Variants in FAXC observed in about 807,000 individuals in gnomAD.
FAXC encodes the protein failed axon connections homolog, metaxin like GST domain containing.
Under a neutral mutation model 41.9 loss-of-function variants are expected in FAXC, and 10 were observed. The observed-to-expected ratio is 0.24, with a 90% CI of 0.15 to 0.41. The LOEUF is 0.41. Ranked by LOEUF, FAXC falls within the 10% of genes least tolerant of loss-of-function variation. The probability of loss-of-function intolerance (pLI) is 1.00; values close to 1 mark genes in which losing one functional copy is unlikely to be tolerated. For synonymous variants in FAXC, 183 were observed against 183.8 expected, an observed-to-expected ratio of 1.00 and a Z score of 0.03; for missense variants, 399 against 510.9, an observed-to-expected ratio of 0.78 and a Z score of 2.11.
chr6:99,281,160 G>A lies in FAXC; in HGVS notation c.*4C>T, dbSNP rs764767156. The stretch of plus-strand genomic sequence containing the variant: ...CCAAGGAAGAGGGTCAGTGAGGCTG[G>A]ACGTCACTTGCACTGTTCGTGGTCT... On this transcript the variant is annotated 3_prime_UTR_variant, in exon 6 of 6. Transcript: ENST00000389677. 1 of 1,291,444 alleles carries A rather than the reference G, an allele frequency of 7.7e-7. No homozygotes were observed. Among genetic ancestry groups the A allele is most frequent in the East Asian group, 2.3e-5 (1 of 43,306 alleles). The allele number at this position is 1,291,444 out of a possible 1,614,324, so 80.0% of individuals were successfully genotyped here.
intron 4 of FAXC, among the ~76,000 whole-genome samples, chr6:99,298,847 A>G (rs1448944317): frequency 6.6e-6 from 1 of 152,148 alleles, no homozygotes; most frequent in Admixed American, 6.5e-5. Context: ...AAAACAAGTA[A>G]TGTGGACAGA....
At position 99,308,895 on chromosome 6, in the gene FAXC, A is replaced by T. The variant is rs1772044074; in HGVS notation, c.823+14549T>A. On this transcript the variant is annotated intron_variant, in intron 4 of 5. Coordinates refer to ENST00000389677, the MANE Select transcript of FAXC (RefSeq NM_032511.4). ...TTCCAATTTTTTAAAATTTTCGTTT[A>T]TTATATAAGTTGAATCATTTAAATA... is the stretch of plus-strand genomic sequence containing the variant. 3.9e-5 allele frequency among the ~76,000 whole-genome samples: 6 copies of T among 152,338 alleles called. No homozygotes were observed. The South Asian group carries it at 1.2e-3, about 32-fold the overall frequency.
intron 2 of FAXC, among the ~76,000 whole-genome samples, chr6:99,340,611 T>C (rs1208393719): frequency 1.3e-5 from 2 of 149,248 alleles, no homozygotes; most frequent in Non-Finnish European, 3.0e-5. Context: ...AATAACATAC[T>C]AAAGTTTGTT....
At position 99,280,555 on chromosome 6, in the gene FAXC, G is replaced by C. The variant is rs1770788301; in HGVS notation, c.*609C>G. 1 of 152,808 alleles carries C rather than the reference G, an allele frequency of 6.5e-6. No individual in the cohort carries two copies. The highest frequency in any genetic ancestry group is 1.5e-5 in the Non-Finnish European group (1 of 68,498). 9.5% of individuals were successfully genotyped at this position (152,808 alleles called of 1,614,324 possible). A position where few individuals can be genotyped will look rare whatever the true frequency, so the allele number is the denominator to read the frequency against. ...GGTGGGAGAAATGAGGCACCCAATA[G>C]TTAATAAGAGATTTGCTCAAAATCA... On this transcript the variant is annotated 3_prime_UTR_variant, in exon 6 of 6. Transcript: ENST00000389677.
chr6:99,285,629 C>T (rs1402119434), intron 5 of FAXC, among the ~76,000 whole-genome samples: 2 of 152,146 alleles, frequency 1.3e-5, no homozygotes, highest in Non-Finnish European at 2.9e-5. Flanking sequence ...TGTAATTCAA[C>T]TTACTGTAAC....
chr6:99,326,033 G>A (rs181891952), intron 3 of FAXC, among the ~76,000 whole-genome samples: 36 of 152,368 alleles, frequency 2.4e-4, no homozygotes, highest in East Asian at 1.2e-3. Flanking sequence ...TAAGGGGCAC[G>A]TGGGTACAGG....
chr6:99,306,329 G>A (rs980244653), intron 4 of FAXC, among the ~76,000 whole-genome samples: 2 of 152,186 alleles, frequency 1.3e-5, no homozygotes, highest in African/African-American at 4.8e-5. Context: ...TGGAAATGAC[G>A]CAGAAGGAGC....
At chr6:99,295,585 G>C (rs939040956) in intron 4 of FAXC, among the ~76,000 whole-genome samples, 1 of 152,214 alleles carries the variant, frequency 6.6e-6, no homozygotes, top group Non-Finnish European at 1.5e-5. Context: ...TCTCCAGCTT[G>C]CCAGCTCATC....
chr6:99,331,734 G>A (rs1368092824), intron 3 of FAXC, among the ~76,000 whole-genome samples: 1 of 152,222 alleles, frequency 6.6e-6, no homozygotes, highest in Non-Finnish European at 1.5e-5. Context: ...GAGGGCCTCT[G>A]TCGAGGGAAG....
At chr6:99,329,210 A>G (rs1007846800) in intron 3 of FAXC, among the ~76,000 whole-genome samples, 6 of 152,242 alleles carry the variant, frequency 3.9e-5, no homozygotes, top group African/African-American at 1.4e-4. Flanking sequence ...AATTTTCCTT[A>G]TCACAACGAA....
intron 4 of FAXC, among the ~76,000 whole-genome samples, chr6:99,317,940 C>T (rs1411932682): frequency 1.3e-5 from 2 of 151,864 alleles, no homozygotes; most frequent in Admixed American, 6.6e-5. Flanking sequence ...TGATACACAG[C>T]ACACAGAATC....
chr6:99,343,109 C>G (rs1036163315), intron 1 of FAXC, 76 bp from the exon 2 acceptor site: 2 of 1,364,016 alleles, frequency 1.5e-6, no homozygotes, highest in African/African-American at 2.9e-5. Context: ...TTGAGAGGAC[C>G]CTGCAGGGTT....
At chr6:99,333,309 G>A in intron 3 of FAXC, 42 bp downstream of exon 3, 4 of 1,495,634 alleles carry the variant, frequency 2.7e-6, no homozygotes, top group Non-Finnish European at 3.6e-6. Flanking sequence ...CAGAACCTGG[G>A]GCTTACTTCG....
rs1562142747 is a variant in FAXC, at chr6:99,277,660, C to T, written c.*3504G>A. ...AAGTAGGATTCCAACCAGGGAATGG[C>T]TGGAGATGTGCTGGTTGTCTGAACA... On this transcript the variant is annotated 3_prime_UTR_variant, in exon 6 of 6. Transcript: ENST00000389677. The T allele has an allele frequency of 6.6e-6, 1 of 152,166 alleles. No individual in the cohort carries two copies. Among genetic ancestry groups the T allele is most frequent in the Non-Finnish European group, 1.5e-5 (1 of 68,076 alleles). 9.4% of individuals were successfully genotyped at this position (152,166 alleles called of 1,614,324 possible).
intron 2 of FAXC, among the ~76,000 whole-genome samples, chr6:99,341,273 A>T (rs967231257): frequency 6.6e-6 from 1 of 152,224 alleles, no homozygotes; most frequent in Non-Finnish European, 1.5e-5. Context: ...ATAAGATATT[A>T]GAAATAAGTT....
intron 2 of FAXC, among the ~76,000 whole-genome samples, chr6:99,338,689 T>C (rs942908687): frequency 5.9e-5 from 9 of 152,198 alleles, no homozygotes; most frequent in African/African-American, 1.9e-4. Context: ...TTCCTTCAAT[T>C]TGAGTCTCCA....
chr6:99,346,537 T>A (rs931142930), intron 1 of FAXC, among the ~76,000 whole-genome samples: 1 of 151,552 alleles, frequency 6.6e-6, no homozygotes, highest in East Asian at 1.9e-4. Flanking sequence ...TACAGGCGCG[T>A]GCCACCACGC....
At chr6:99,295,067 A>C (rs1000875040) in intron 4 of FAXC, among the ~76,000 whole-genome samples, 5 of 152,224 alleles carry the variant, frequency 3.3e-5, no homozygotes, top group African/African-American at 1.2e-4. Flanking sequence ...GAGCTGTGAA[A>C]GTTTACAAAA....
intron 4 of FAXC, among the ~76,000 whole-genome samples, chr6:99,300,929 G>A (rs1360255617): frequency 1.3e-5 from 2 of 152,248 alleles, no homozygotes; most frequent in Admixed American, 1.3e-4. Flanking sequence ...CTAGTGGGAG[G>A]TTTTGTGTTT....
Sources: gnomAD v4.1 joint callset for allele counts (sites outside exome capture counted in the v4.1 genomes callset) on GRCh38, gnomAD v4.1.1 for gene constraint, MANE v1.5 for transcripts, NCBI Gene and HGNC (gene_info 2026-07-23, HGNC 2026-07-21) for gene names.